The following GLTP variants were observed in gnomAD, a reference collection of about 807,000 sequenced individuals.
The protein encoded by GLTP is glycolipid transfer protein.
Under a neutral mutation model 24.0 loss-of-function variants are expected in GLTP, and 22 were observed. The observed-to-expected ratio is 0.92, with a 90% CI of 0.65 to 1.31. The LOEUF is 1.31. GLTP is among the 50% of genes most tolerant of loss of function. GLTP has a pLI of 0.00. For missense variants in GLTP, 224 were observed against 276.6 expected (o/e 0.81, Z 1.35); for synonymous variants, 92 against 115.9 (o/e 0.79, Z 1.33).
chr12:109,859,613 A>T (rs991321350), intron 1 of GLTP, among the ~76,000 whole-genome samples: 36 of 151,582 alleles, frequency 2.4e-4, no homozygotes, highest in Admixed American at 9.2e-4. Context: ...GATTTTTTTT[A>T]AAAAAAAGTA....
At chr12:109,865,861 C>G (rs1868511862) in intron 1 of GLTP, among the ~76,000 whole-genome samples, 1 of 152,202 alleles carries the variant, frequency 6.6e-6, no homozygotes, top group Non-Finnish European at 1.5e-5. Context: ...GCAAACGGCC[C>G]CTTCTGTTTA....
At chr12:109,854,545 C>T (rs115316414) in intron 4 of GLTP, among the ~76,000 whole-genome samples, 4,504 of 152,122 alleles carry the variant, frequency 0.03, 222 homozygotes, top group African/African-American at 0.1. Flanking sequence ...GGATCACAGC[C>T]CCCCATTTCT....
rs1565899907 is a variant in GLTP at position 109,869,324 on chromosome 12, AG to A, written c.104-10584del. On this transcript the variant is annotated intron_variant, in intron 1 of 4. Transcript: ENST00000318348. ...ACCTCAAAAAAAAAAAAAAAAAGAAAGAAAGAAAGAAAGAAAGAGAAAGAAA... is the reference window on the plus strand; with the variant it reads ...ACCTCAAAAAAAAAAAAAAAAAGAAAAAAGAAAGAAAGAAAGAGAAAGAAA... Among the ~76,000 whole-genome samples, 440 of 148,722 alleles carry A rather than the reference AG, an allele frequency of 3.0e-3. 1 individual carries two copies. The highest frequency in any genetic ancestry group is 4.4e-3 in the Non-Finnish European group (298 of 67,140).
intron 1 of GLTP, among the ~76,000 whole-genome samples, chr12:109,865,498 C>A (rs2136046188): frequency 6.6e-6 from 1 of 151,756 alleles, no homozygotes; most frequent in South Asian, 2.1e-4. Context: ...CATAATGGTG[C>A]ACATCTGTAA....
intron 1 of GLTP, among the ~76,000 whole-genome samples, chr12:109,859,309 C>G (rs1027461700): frequency 1.3e-5 from 2 of 152,228 alleles, no homozygotes; most frequent in Non-Finnish European, 2.9e-5. Flanking sequence ...CACTTGAAGT[C>G]AGGAGTTCAA....
chr12:109,861,455 A>C (rs1868369579), intron 1 of GLTP, among the ~76,000 whole-genome samples: 1 of 152,214 alleles, frequency 6.6e-6, no homozygotes, highest in African/African-American at 2.4e-5. Flanking sequence ...AGAAATTAAA[A>C]ATAAGGCACC....
intron 1 of GLTP, among the ~76,000 whole-genome samples, chr12:109,869,004 A>G (rs1868630212): frequency 6.6e-6 from 1 of 152,180 alleles, no homozygotes; most frequent in Admixed American, 6.5e-5. Flanking sequence ...ACTTCTTTAA[A>G]AACTTCACCC....
intron 1 of GLTP, among the ~76,000 whole-genome samples, chr12:109,874,281 T>A (rs1049816207): frequency 4.6e-5 from 7 of 152,196 alleles, no homozygotes; most frequent in African/African-American, 1.7e-4. Flanking sequence ...CCTCGGTTTC[T>A]TTGGCTGTAA....
intron 4 of GLTP, among the ~76,000 whole-genome samples, chr12:109,854,306 G>A (rs1416230198): frequency 2.7e-5 from 4 of 145,622 alleles, no homozygotes; most frequent in Non-Finnish European, 5.9e-5. Context: ...GTTGCGGTAA[G>A]CTAAGACTGT....
intron 1 of GLTP, among the ~76,000 whole-genome samples, chr12:109,863,498 A>C (rs1177659891): frequency 1.3e-5 from 2 of 152,150 alleles, no homozygotes; most frequent in Non-Finnish European, 2.9e-5. Flanking sequence ...GGAATGAATG[A>C]ATGAGTGAAT....
chr12:109,880,421 T>G lies in GLTP; in HGVS notation c.-47A>C. 2.3e-5 allele frequency: 16 copies of G among 709,360 alleles called. No homozygotes were observed. Among genetic ancestry groups the G allele is most frequent in the East Asian group, 5.4e-5 (1 of 18,414 alleles). 43.9% of individuals were successfully genotyped at this position (709,360 alleles called of 1,614,324 possible). On this transcript the variant is annotated 5_prime_UTR_variant, in exon 1 of 5. Coordinates refer to ENST00000318348, the MANE Select transcript of GLTP (RefSeq NM_016433.4). This position sits in a 1 kb window ranked among gnomAD's most constrained non-coding sequence, Gnocchi z 5.1. The stretch of plus-strand genomic sequence containing the variant: ...GATGCCCCAGCCGGCGCCGCGGGCG[T>G]CGACACCGCCCCCCCGGCCGCCGCC...
Position 109,857,774 on chromosome 12 carries a change from GAACA to G in GLTP, c.163-119_163-116del. 3.0e-6 allele frequency: 3 copies of G among 1,005,158 alleles called. No homozygotes were observed. The highest frequency in any genetic ancestry group is 1.6e-5 in the African/African-American group (1 of 63,286). The allele number at this position is 1,005,158 out of a possible 1,614,324, so 62.3% of individuals were successfully genotyped here. On this transcript the variant is annotated intron_variant, in intron 2 of 4. Transcript: ENST00000318348. The surrounding 1 kb of genome is among the most constrained non-coding windows in gnomAD (Gnocchi z 4.3). The stretch of plus-strand genomic sequence containing the variant: ...TCTCCTGCTCCTTCCTGCCCTCCAG[GAACA>G]GCAGGGATAAGACTTGTAACAATAA...
intron 1 of GLTP, among the ~76,000 whole-genome samples, chr12:109,873,307 T>A (rs1592894283): frequency 6.6e-6 from 1 of 152,136 alleles, no homozygotes; most frequent in South Asian, 2.1e-4. Context: ...GTGGGGCTGG[T>A]TCCCAGTTAG....
chr12:109,877,810 G>A (rs569282560), intron 1 of GLTP, among the ~76,000 whole-genome samples: 1 of 152,208 alleles, frequency 6.6e-6, no homozygotes, highest in Non-Finnish European at 1.5e-5. Flanking sequence ...TTGATCAGAC[G>A]TCCCAGAGAA....
chr12:109,875,864 T>C (rs1344298000), intron 1 of GLTP, among the ~76,000 whole-genome samples: 1 of 152,212 alleles, frequency 6.6e-6, no homozygotes, highest in Non-Finnish European at 1.5e-5. Context: ...ATGTGGCTGC[T>C]CTAACAGGTT....
At chr12:109,868,130 G>A (rs889409763) in intron 1 of GLTP, among the ~76,000 whole-genome samples, 2 of 152,194 alleles carry the variant, frequency 1.3e-5, no homozygotes, top group African/African-American at 4.8e-5. Context: ...TCAGTCTCTG[G>A]AGTAGCTGAG....
At chr12:109,868,713 G>T (rs1235872580) in intron 1 of GLTP, among the ~76,000 whole-genome samples, 1 of 152,100 alleles carries the variant, frequency 6.6e-6, no homozygotes, top group Non-Finnish European at 1.5e-5. Context: ...AAATTCAATG[G>T]TTTTTTTCAT....
intron 1 of GLTP, among the ~76,000 whole-genome samples, chr12:109,874,378 CTCTT>C (rs1359650071): frequency 1.3e-5 from 2 of 152,196 alleles, no homozygotes; most frequent in African/African-American, 4.8e-5. Flanking sequence ...TGGAAAACCA[CTCTT>C]TCTGGGTTCA....
At chr12:109,873,262 G>A (rs1028801315) in intron 1 of GLTP, among the ~76,000 whole-genome samples, 1 of 152,076 alleles carries the variant, frequency 6.6e-6, no homozygotes, top group Admixed American at 6.5e-5. Context: ...TTGTTGCAGT[G>A]GGGGAGCTTC....
Sources: gnomAD v4.1 joint callset for allele counts (sites outside exome capture counted in the v4.1 genomes callset) on GRCh38, gnomAD v4.1.1 for gene constraint, Gnocchi (gnomAD v3.1) non-coding constraint, MANE v1.5 for transcripts, NCBI Gene and HGNC (gene_info 2026-07-23, HGNC 2026-07-21) for gene names.